ELFN1: variants seen among roughly 807,000 people sequenced by gnomAD.
The protein encoded by ELFN1 is extracellular leucine rich repeat and fibronectin type III domain containing 1.
In ELFN1, 6 loss-of-function variants were observed where a neutral mutation model predicts 7.6. That is an observed-to-expected ratio of 0.79 (90% confidence interval 0.43 to 1.56). The LOEUF (loss-of-function observed/expected upper bound fraction) is 1.56, where lower values mean the gene tolerates loss of function less well. Ranked by LOEUF, ELFN1 falls within the 40% of genes most tolerant of loss-of-function variation. The probability of loss-of-function intolerance (pLI) is 0.01; values close to 1 mark genes in which losing one functional copy is unlikely to be tolerated. For missense variants in ELFN1, 1,169 were observed against 1,232.2 expected (o/e 0.95, Z 0.77); for synonymous variants, 657 against 588.1 (o/e 1.12, Z -1.70).
chr7:1,713,141 C>T (rs1363932123), intron 3 of ELFN1, among the ~76,000 whole-genome samples: 1 of 152,256 alleles, frequency 6.6e-6, no homozygotes, highest in Non-Finnish European at 1.5e-5. Context: ...AGCCCCATAG[C>T]CTCCGGAGTC....
chr7:1,674,745 G>T (rs1778834379), intron 1 of ELFN1, among the ~76,000 whole-genome samples: 1 of 152,152 alleles, frequency 6.6e-6, no homozygotes, highest in South Asian at 2.1e-4. Context: ...GCCTCCCTGT[G>T]TGTTGTGCCC....
intron 1 of ELFN1, among the ~76,000 whole-genome samples, chr7:1,676,717 C>G (rs541127249): frequency 7.9e-5 from 12 of 152,176 alleles, no homozygotes; most frequent in African/African-American, 2.9e-4. Flanking sequence ...GTAATGGCCC[C>G]GCAGCCGAGA....
At chr7:1,694,909 A>C (rs1039533622) in intron 2 of ELFN1, among the ~76,000 whole-genome samples, 1 of 152,222 alleles carries the variant, frequency 6.6e-6, no homozygotes, top group Non-Finnish European at 1.5e-5. Context: ...TGTCTGTTCC[A>C]CAGAAGTGGG....
chr7:1,745,379 G>A lies in ELFN1; in HGVS notation c.783G>A (p.Gly261=). Residue 261 remains glycine, a synonymous_variant, in exon 4 of 4, where the codon GGG becomes GGA. Transcript: ENST00000424383. The part of the protein sequence containing the change: ...TEDSYAAEVV[G]PPRPASGRSQ... The stretch of plus-strand genomic sequence containing the variant: ...ACTCGTACGCGGCTGAGGTGGTCGG[G>A]CCCCCACGTCCAGCATCCGGGCGCT... The A allele has an allele frequency of 1.3e-6, 2 of 1,538,924 alleles. No homozygotes were observed. Among genetic ancestry groups the A allele is most frequent in the Non-Finnish European group, 1.7e-6 (2 of 1,145,854 alleles).
At chr7:1,729,674 G>T (rs546417075) in intron 3 of ELFN1, among the ~76,000 whole-genome samples, 9 of 152,202 alleles carry the variant, frequency 5.9e-5, no homozygotes, top group Admixed American at 5.9e-4. Flanking sequence ...GTCTCAGCAG[G>T]GGGTGTCAAG....
chr7:1,700,864 T>G (rs1285257767), intron 2 of ELFN1, among the ~76,000 whole-genome samples: 1 of 152,222 alleles, frequency 6.6e-6, no homozygotes, highest in Non-Finnish European at 1.5e-5. Flanking sequence ...AGTAATACAG[T>G]TGAGCACGGG....
chr7:1,670,417 G>C lies in ELFN1; in HGVS notation c.-549+63G>C, dbSNP rs1299061539. On this transcript the variant is annotated intron_variant, in intron 1 of 3. Coordinates refer to ENST00000424383, the MANE Select transcript of ELFN1 (RefSeq NM_001128636.4). The surrounding 1 kb of genome is among the most constrained non-coding windows in gnomAD (Gnocchi z 6.4). ...ACTTGGGACCCGGACCACCCCCGGG[G>C]AGCGGCGCGGCCAAGCCCCCCGCCA... is the stretch of plus-strand genomic sequence containing the variant. Among the ~76,000 whole-genome samples, 2 of 151,826 alleles carry C rather than the reference G, an allele frequency of 1.3e-5. No homozygotes were observed. The highest frequency in any genetic ancestry group is 3.4e-3 in the Middle Eastern group (1 of 292).
chr7:1,725,601 C>T (rs1780169428), intron 3 of ELFN1, among the ~76,000 whole-genome samples: 1 of 152,166 alleles, frequency 6.6e-6, no homozygotes. Flanking sequence ...CCAGTGTTGT[C>T]GGCTTCACCG....
intron 1 of ELFN1, among the ~76,000 whole-genome samples, chr7:1,681,192 C>G (rs1218139328): frequency 6.6e-6 from 1 of 152,178 alleles, no homozygotes; most frequent in African/African-American, 2.4e-5. Context: ...GTTTTTATTG[C>G]TGAATAGTAT....
Position 1,745,522 on chromosome 7 carries a change from T to C in ELFN1, c.926T>C (p.Leu309Pro). The change falls in exon 4 of 4, where the codon CTG (leucine) becomes CCG (proline). Residue 309 changes from leucine to proline, a missense_variant. Coordinates refer to ENST00000424383, the MANE Select transcript of ELFN1 (RefSeq NM_001128636.4). ...GTTPLVALPT[L>P]ATQAEARPLI... The stretch of plus-strand genomic sequence containing the variant: ...ACGCCACTGGTGGCCCTGCCCACGC[T>C]GGCCACGCAGGCCGAGGCCCGCCCC... 1 of 1,546,754 alleles carries C rather than the reference T, an allele frequency of 6.5e-7. No individual in the cohort carries two copies. Among genetic ancestry groups the C allele is most frequent in the South Asian group, 1.2e-5 (1 of 84,050 alleles).
chr7:1,744,119 A>AC (rs1334713031), intron 3 of ELFN1, among the ~76,000 whole-genome samples, 185 bp from the exon 4 acceptor site: 4 of 150,724 alleles, frequency 2.7e-5, no homozygotes, highest in South Asian at 2.1e-4. Context: ...CTGTCTCAGG[A>AC]CCCCCCAGGG....
At chr7:1,690,365 G>A (rs911986047) in intron 2 of ELFN1, among the ~76,000 whole-genome samples, 2 of 150,710 alleles carry the variant, frequency 1.3e-5, no homozygotes, top group Non-Finnish European at 3.0e-5. Flanking sequence ...GGATGGGTGG[G>A]TGGGTGAATG....
rs562697533 is a variant in ELFN1 at position 1,678,214 on chromosome 7, CA to C, written c.-549+7861del. ...CCCACACACACTGGGGAGGCATGCA[CA>C]GGGGTGCACAGGCACAGGTGCACGC... is the stretch of plus-strand genomic sequence containing the variant. On this transcript the variant is annotated intron_variant, in intron 1 of 3. Transcript: ENST00000424383. 1.3e-3 allele frequency among the ~76,000 whole-genome samples: 200 copies of C among 152,276 alleles called. 1 individual carries two copies. Among genetic ancestry groups the C allele is most frequent in the African/African-American group, 4.3e-3 (177 of 41,572 alleles).
chr7:1,717,284 T>C (rs140225156), intron 3 of ELFN1, among the ~76,000 whole-genome samples: 16 of 152,252 alleles, frequency 1.1e-4, no homozygotes, highest in Non-Finnish European at 2.1e-4. Flanking sequence ...GAGCAGCCCA[T>C]GGGGCTCTCT....
At chr7:1,715,647 C>T (rs370550868) in intron 3 of ELFN1, among the ~76,000 whole-genome samples, 1 of 152,214 alleles carries the variant, frequency 6.6e-6, no homozygotes, top group African/African-American at 2.4e-5. Flanking sequence ...CTTCATTTGT[C>T]TTTTAATTTC....
intron 3 of ELFN1, among the ~76,000 whole-genome samples, chr7:1,743,170 C>T (rs1309263455): frequency 6.6e-6 from 1 of 152,188 alleles, no homozygotes; most frequent in Non-Finnish European, 1.5e-5. Flanking sequence ...CAGGGTCCTT[C>T]CTGCCTGGGG....
intron 2 of ELFN1, among the ~76,000 whole-genome samples, chr7:1,703,820 G>A (rs766883257): frequency 6.6e-6 from 1 of 152,182 alleles, no homozygotes; most frequent in Non-Finnish European, 1.5e-5. Flanking sequence ...TGTAACCTTG[G>A]GGAGGTCTCT....
At chr7:1,716,862 G>A (rs115850143) in intron 3 of ELFN1, among the ~76,000 whole-genome samples, 3,584 of 152,290 alleles carry the variant, frequency 0.024, 137 homozygotes, top group African/African-American at 0.081. Context: ...GGAGGGGAGA[G>A]GAAGGAGAGT....
chr7:1,701,870 T>C (rs1779434468), intron 2 of ELFN1, among the ~76,000 whole-genome samples: 1 of 152,234 alleles, frequency 6.6e-6, no homozygotes. Context: ...TCTTTCAAAA[T>C]GTATAGTTCT....
Sources: allele counts gnomAD v4.1 joint callset (sites outside exome capture counted in the v4.1 genomes callset), GRCh38; gene constraint gnomAD v4.1.1; non-coding constraint Gnocchi (gnomAD v3.1); transcripts MANE v1.5; gene names NCBI Gene and HGNC (gene_info 2026-07-23, HGNC 2026-07-21).